The following NR6A1 variants were observed in gnomAD, a reference collection of about 807,000 sequenced individuals.
NR6A1 encodes nuclear receptor subfamily 6 group A member 1, also known as retinoic acid receptor-related testis-associated receptor.
NR6A1 carries 7 observed loss-of-function variants against 59.1 expected under a neutral mutation model. The ratio of observed to expected loss-of-function variants is 0.12; its 90% CI spans 0.07 to 0.22. The LOEUF (loss-of-function observed/expected upper bound fraction) is 0.22, where lower values mean the gene tolerates loss of function less well. Ranked by LOEUF, NR6A1 falls within the 10% of genes least tolerant of loss-of-function variation. NR6A1 has a pLI of 1.00. For missense variants in NR6A1, 468 were observed against 611.6 expected, an observed-to-expected ratio of 0.77 and a Z score of 2.48; for synonymous variants, 243 against 236.1, an observed-to-expected ratio of 1.03 and a Z score of -0.27.
At chr9:124,692,950 T>C (rs1045430482) in intron 2 of NR6A1, among the ~76,000 whole-genome samples, 2 of 152,234 alleles carry the variant, frequency 1.3e-5, no homozygotes, top group Non-Finnish European at 2.9e-5. Context: ...GAGGATTTAA[T>C]AAGCAAAAAT....
chr9:124,663,971 G>A (rs1217188654), intron 2 of NR6A1, among the ~76,000 whole-genome samples: 1 of 152,136 alleles, frequency 6.6e-6, no homozygotes, highest in African/African-American at 2.4e-5. Flanking sequence ...AGACTCTTCT[G>A]AGTAAGATTT....
chr9:124,560,223 T>C (rs78424218), intron 2 of NR6A1, among the ~76,000 whole-genome samples: 155 of 152,292 alleles, frequency 1.0e-3, no homozygotes, highest in African/African-American at 3.4e-3. Context: ...TTGCCACACA[T>C]ACCATTAACC....
chr9:124,723,632 T>C (rs890996106), intron 2 of NR6A1, among the ~76,000 whole-genome samples: 6 of 152,236 alleles, frequency 3.9e-5, no homozygotes, highest in Non-Finnish European at 7.3e-5. Flanking sequence ...AGCCCATTAG[T>C]GCAGAAAGAC....
At chr9:124,524,487 A>G (rs1020027605) in intron 9 of NR6A1, among the ~76,000 whole-genome samples, 1 of 152,228 alleles carries the variant, frequency 6.6e-6, no homozygotes, top group Non-Finnish European at 1.5e-5. Context: ...ATTAAATGAT[A>G]TAAGGCCACA....
chr9:124,533,833 T>C (rs1224085691), intron 7 of NR6A1, among the ~76,000 whole-genome samples: 1 of 151,996 alleles, frequency 6.6e-6, no homozygotes, highest in East Asian at 1.9e-4. Flanking sequence ...GTATTTTTAG[T>C]AGAGACGGGG....
chr9:124,525,600 T>C (rs967608860), intron 8 of NR6A1, among the ~76,000 whole-genome samples: 1 of 152,002 alleles, frequency 6.6e-6, no homozygotes, highest in African/African-American at 2.4e-5. Context: ...CAAGTGATCC[T>C]CCTGCCTTGG....
chr9:124,733,295 A>G lies in NR6A1; in HGVS notation c.142+13T>C, dbSNP rs531660898. 1.1e-4 allele frequency: 180 copies of G among 1,602,508 alleles called. 1 individual carries two copies. In the East Asian group the frequency reaches 4.0e-3, roughly 35 times the overall value. On this transcript the variant is annotated intron_variant, in intron 2 of 9. Coordinates refer to ENST00000487099, the MANE Select transcript of NR6A1 (RefSeq NM_033334.4). ...TTCTTACCAAAGAATATTGGGTAAC[A>G]TTGAGAACTTACTAGTGCCTGGGTC...
At chr9:124,722,465 G>A (rs1398495128) in intron 2 of NR6A1, among the ~76,000 whole-genome samples, 2 of 152,136 alleles carry the variant, frequency 1.3e-5, no homozygotes, top group Non-Finnish European at 2.9e-5. Flanking sequence ...CAGAATACTG[G>A]AATTTTAGGG....
At chr9:124,661,120 T>C (rs1293487481) in intron 2 of NR6A1, among the ~76,000 whole-genome samples, 4 of 152,142 alleles carry the variant, frequency 2.6e-5, no homozygotes, top group South Asian at 2.1e-4. Flanking sequence ...GAGTTCTGGG[T>C]TGTATTTTCC....
At chr9:124,547,591 T>G (rs1464735585) in intron 3 of NR6A1, among the ~76,000 whole-genome samples, 1 of 152,236 alleles carries the variant, frequency 6.6e-6, no homozygotes, top group African/African-American at 2.4e-5. Flanking sequence ...GTGATTCAAG[T>G]TAATATCACC....
At chr9:124,770,921 C>T in intron 1 of NR6A1, 99 bp downstream of exon 1, 1 of 689,744 alleles carries the variant, frequency 1.4e-6, no homozygotes, top group Non-Finnish European at 2.0e-6. Context: ...GCCGCTGCGG[C>T]TTCCCAGGGC....
intron 2 of NR6A1, among the ~76,000 whole-genome samples, chr9:124,705,211 T>C (rs1349803490): frequency 3.3e-5 from 5 of 152,188 alleles, no homozygotes; most frequent in African/African-American, 1.2e-4. Context: ...AGTTCACTGA[T>C]AGTGCTGATG....
intron 2 of NR6A1, among the ~76,000 whole-genome samples, chr9:124,603,442 G>A (rs1476560915): frequency 6.6e-6 from 1 of 151,954 alleles, no homozygotes; most frequent in Non-Finnish European, 1.5e-5. Context: ...AGTCTCCCAT[G>A]TTTCAGGCCC....
At chr9:124,675,951 T>TA (rs1837946763) in intron 2 of NR6A1, among the ~76,000 whole-genome samples, 1 of 152,300 alleles carries the variant, frequency 6.6e-6, no homozygotes, top group South Asian at 2.1e-4. Context: ...GTACTTTGGA[T>TA]AAGAGTCCAA....
At chr9:124,763,438 G>A (rs958533224) in intron 1 of NR6A1, among the ~76,000 whole-genome samples, 12 of 152,128 alleles carry the variant, frequency 7.9e-5, no homozygotes, top group African/African-American at 2.9e-4. Flanking sequence ...ATATATTTAA[G>A]AACATCCTGA....
chr9:124,699,576 C>T (rs1344471390), intron 2 of NR6A1, among the ~76,000 whole-genome samples: 5 of 152,134 alleles, frequency 3.3e-5, no homozygotes, highest in Admixed American at 1.3e-4. Context: ...TTTGTCAAGA[C>T]GTCCCTTCCT....
At chr9:124,540,287 C>A in intron 4 of NR6A1, 100 bp from the exon 5 acceptor site, 1 of 1,305,014 alleles carries the variant, frequency 7.7e-7, no homozygotes, top group Non-Finnish European at 1.0e-6. Flanking sequence ...TTCCCAGAAA[C>A]CTAGGTTCCC....
chr9:124,629,487 T>C (rs59448109), intron 2 of NR6A1, among the ~76,000 whole-genome samples: 5,877 of 152,264 alleles, frequency 0.039, 363 homozygotes, highest in African/African-American at 0.13. Context: ...GAAAGTATCA[T>C]CACCTCCATT....
chr9:124,712,522 C>T (rs1157723669), intron 2 of NR6A1, among the ~76,000 whole-genome samples: 1 of 151,750 alleles, frequency 6.6e-6, no homozygotes, highest in Non-Finnish European at 1.5e-5. Flanking sequence ...GCACAAGAAT[C>T]GCCTGAACCT....
Sources: gnomAD v4.1 joint callset for allele counts (sites outside exome capture counted in the v4.1 genomes callset) on GRCh38, gnomAD v4.1.1 for gene constraint, MANE v1.5 for transcripts, NCBI Gene and HGNC (gene_info 2026-07-23, HGNC 2026-07-21) for gene names.